TEAD1: variants seen among roughly 807,000 people sequenced by gnomAD.
The protein encoded by TEAD1 is TEA domain transcription factor 1, also known as transcriptional enhancer factor TEF-1.
Under a neutral mutation model 54.9 loss-of-function variants are expected in TEAD1, and 9 were observed. The observed-to-expected ratio is 0.16, with a 90% CI of 0.10 to 0.29. TEAD1 has a LOEUF of 0.29. Ranked by LOEUF, TEAD1 falls within the 10% of genes least tolerant of loss-of-function variation. The pLI is 1.00. For missense variants in TEAD1, 387 were observed against 535.9 expected, an observed-to-expected ratio of 0.72 and a Z score of 2.74; for synonymous variants, 200 against 187.8, an observed-to-expected ratio of 1.07 and a Z score of -0.53.
intron 2 of TEAD1, among the ~76,000 whole-genome samples, chr11:12,697,210 C>T (rs1327655374): frequency 6.9e-6 from 1 of 145,300 alleles, no homozygotes; most frequent in Non-Finnish European, 1.5e-5. Context: ...CTGTCAGTGG[C>T]CTTTGGCAAG....
chr11:12,715,232 C>T (rs1378826618), intron 2 of TEAD1, among the ~76,000 whole-genome samples: 1 of 152,118 alleles, frequency 6.6e-6, no homozygotes, highest in Non-Finnish European at 1.5e-5. Flanking sequence ...CCTGTAAATT[C>T]CATGCCCTGA....
intron 10 of TEAD1, among the ~76,000 whole-genome samples, chr11:12,920,443 C>G (rs2134156011): frequency 6.6e-6 from 1 of 152,256 alleles, no homozygotes; most frequent in East Asian, 1.9e-4. Flanking sequence ...CCCCCATACA[C>G]AATTGCTTAT....
intron 9 of TEAD1, among the ~76,000 whole-genome samples, chr11:12,895,767 C>T (rs956314832): frequency 6.6e-6 from 1 of 152,198 alleles, no homozygotes; most frequent in African/African-American, 2.4e-5. Flanking sequence ...TTTTTGGGGA[C>T]CATTGCTTGC....
At chr11:12,808,421 C>G (rs761538428) in intron 3 of TEAD1, among the ~76,000 whole-genome samples, 3 of 152,178 alleles carry the variant, frequency 2.0e-5, no homozygotes, top group Non-Finnish European at 4.4e-5. Context: ...TACTTAGTTT[C>G]TAGCAGCCCA....
At chr11:12,731,934 T>C (rs181675201) in intron 2 of TEAD1, among the ~76,000 whole-genome samples, 1 of 152,338 alleles carries the variant, frequency 6.6e-6, no homozygotes, top group Admixed American at 6.5e-5. Context: ...ATCCTTTCCT[T>C]ACCCTGAATG....
Position 12,862,261 on chromosome 11 carries a change from T to C in TEAD1, c.214T>C (p.Leu72=). The change falls in exon 4 of 13, where the codon TTG becomes CTG. Residue 72 remains leucine (L), a synonymous_variant. Transcript: ENST00000527636. The stretch of plus-strand genomic sequence containing the variant: ...CTTCTTTCTTTCAGGTAGGAATGAA[T>C]TGATAGCCAGATACATCAAACTCAG... 6.2e-7 allele frequency: 1 copy of C among 1,613,948 alleles called. No individual in the cohort carries two copies. Among genetic ancestry groups the C allele is most frequent in the Non-Finnish European group, 8.5e-7 (1 of 1,179,904 alleles).
intron 9 of TEAD1, among the ~76,000 whole-genome samples, chr11:12,890,426 T>C (rs961793777): frequency 3.3e-5 from 5 of 152,152 alleles, no homozygotes; most frequent in Non-Finnish European, 7.3e-5. Context: ...GGACCGCTGC[T>C]TTAGAGCCTA....
intron 3 of TEAD1, among the ~76,000 whole-genome samples, chr11:12,836,845 G>C (rs1441722878): frequency 6.6e-6 from 1 of 152,124 alleles, no homozygotes; most frequent in Non-Finnish European, 1.5e-5. Context: ...GGAGAGTAAT[G>C]GTACATTTGT....
rs536683633 is a variant in TEAD1, at chr11:12,679,648, CTTT to C, written c.-55+4095_-55+4097del. ...TTAAAAAAATGCATCAACTGTGCTG[CTTT>C]TTTTTTTAATAGGCACAGCTTTCTA... On this transcript the variant is annotated intron_variant, in intron 2 of 12. Transcript: ENST00000527636. Among the ~76,000 whole-genome samples the C allele has an allele frequency of 4.7e-4, 70 of 147,502 alleles. No individual in the cohort carries two copies. The East Asian group carries it at 6.8e-3, about 14-fold the overall frequency.
At chr11:12,908,223 G>C (rs1245388782) in intron 10 of TEAD1, among the ~76,000 whole-genome samples, 2 of 152,096 alleles carry the variant, frequency 1.3e-5, no homozygotes, top group Admixed American at 6.6e-5. Context: ...ATGTGGTCCA[G>C]GCACCCCAGG....
intron 3 of TEAD1, among the ~76,000 whole-genome samples, chr11:12,795,055 A>G (rs1945886086): frequency 6.6e-6 from 1 of 152,160 alleles, no homozygotes; most frequent in African/African-American, 2.4e-5. Context: ...ACAGGCATTT[A>G]TTTTCTCACA....
rs1949166415 is a variant in TEAD1 at position 12,942,003 on chromosome 11, C to T, written c.*4781C>T. The T allele has an allele frequency of 6.6e-6, 1 of 152,496 alleles. No homozygotes were observed. The highest frequency in any genetic ancestry group is 1.5e-5 in the Non-Finnish European group (1 of 68,024). 9.4% of individuals were successfully genotyped at this position (152,496 alleles called of 1,614,324 possible). A position where few individuals can be genotyped will look rare whatever the true frequency, so the allele number is the denominator to read the frequency against. On this transcript the variant is annotated 3_prime_UTR_variant, in exon 13 of 13. Coordinates refer to ENST00000527636, the MANE Select transcript of TEAD1 (RefSeq NM_021961.6). ...TTGTCTTCATTTTTGTTTTGTAAGC[C>T]CATTTTTTCTCCAGTTCTATAGGAA...
At chr11:12,751,975 T>C (rs1042772341) in intron 2 of TEAD1, among the ~76,000 whole-genome samples, 11 of 152,204 alleles carry the variant, frequency 7.2e-5, no homozygotes, top group African/African-American at 2.7e-4. Flanking sequence ...TTTTGTTTGC[T>C]GTAGAACTTT....
In TEAD1 at chr11:12,924,946, G is replaced by C. The variant is rs1006859684; in HGVS notation, c.908G>C (p.Gly303Ala). ...AACTGCAATATTCAAGATGATGCTG[G>C]GGCTTTTTATGGTGTAACCAGTCAG... Residue 303 changes from glycine (G) to alanine (A), a missense_variant, in exon 11 of 13, where the codon GGG becomes GCG. Physicochemically the swap from Gly to Ala is moderately conservative, Grantham distance 60. Coordinates refer to ENST00000527636, the MANE Select transcript of TEAD1 (RefSeq NM_021961.6). The C allele has an allele frequency of 3.1e-6, 5 of 1,614,004 alleles. No individual in the cohort carries two copies. Among genetic ancestry groups the C allele is most frequent in the Non-Finnish European group, 4.2e-6 (5 of 1,180,048 alleles).
At chr11:12,830,758 G>GCACACA (rs1352502189) in intron 3 of TEAD1, among the ~76,000 whole-genome samples, 1 of 147,558 alleles carries the variant, frequency 6.8e-6, no homozygotes, top group African/African-American at 2.5e-5. Context: ...ACACACACAT[G>GCACACA]CACGCACACG....
intron 2 of TEAD1, among the ~76,000 whole-genome samples, chr11:12,697,787 C>G (rs1014603131): frequency 6.6e-6 from 1 of 152,156 alleles, no homozygotes; most frequent in Non-Finnish European, 1.5e-5. Context: ...ACTTGGGAGG[C>G]CGAGGCGGGC....
intron 2 of TEAD1, among the ~76,000 whole-genome samples, chr11:12,709,529 T>C (rs182026500): frequency 4.6e-5 from 7 of 152,252 alleles, no homozygotes; most frequent in East Asian, 1.9e-4. Context: ...TTTCTACTTA[T>C]TTATTTTAGA....
rs539364107 is a variant in TEAD1, at chr11:12,861,635, C to T, written c.203-615C>T. ...GACTAATCCTTGTCTGTATTTGTTG[C>T]TTATATGAGTGACCCACCACCCACA... On this transcript the variant is annotated intron_variant, in intron 3 of 12. Coordinates refer to ENST00000527636, the MANE Select transcript of TEAD1 (RefSeq NM_021961.6). 2.0e-5 allele frequency among the ~76,000 whole-genome samples: 3 copies of T among 152,300 alleles called. No homozygotes were observed. In the East Asian group the frequency reaches 5.8e-4, roughly 29 times the overall value.
intron 3 of TEAD1, among the ~76,000 whole-genome samples, chr11:12,854,150 G>A (rs1279399639): frequency 6.6e-6 from 1 of 152,148 alleles, no homozygotes; most frequent in Non-Finnish European, 1.5e-5. Flanking sequence ...TTTATATTGA[G>A]GATTAACTGA....
Sources: gnomAD v4.1 joint callset for allele counts (sites outside exome capture counted in the v4.1 genomes callset) on GRCh38, gnomAD v4.1.1 for gene constraint, MANE v1.5 for transcripts, NCBI Gene and HGNC (gene_info 2026-07-23, HGNC 2026-07-21) for gene names.